UCK2: variants seen among roughly 807,000 people sequenced by gnomAD.
UCK2 encodes cytidine monophosphokinase 2.
A neutral mutation model predicts 30.8 loss-of-function variants in UCK2; 6 were observed. The ratio of observed to expected loss-of-function variants is 0.19; its 90% CI spans 0.11 to 0.38. The LOEUF (loss-of-function observed/expected upper bound fraction) is 0.38, where lower values mean the gene tolerates loss of function less well. Among genes scored for constraint, UCK2 ranks in the 10% least tolerant of loss-of-function variants. UCK2 has a pLI of 1.00. For missense variants in UCK2, 210 were observed against 339.8 expected (o/e 0.62, Z 3.00); for synonymous variants, 125 against 133.6 (o/e 0.94, Z 0.45).
Position 165,910,740 on chromosome 1 carries a change from A to G in UCK2, c.*2917A>G, listed in dbSNP as rs2101892368. The G allele has an allele frequency of 6.6e-6, 1 of 152,520 alleles. No individual in the cohort carries two copies. Among genetic ancestry groups the G allele is most frequent in the Non-Finnish European group, 1.5e-5 (1 of 68,176 alleles). 9.4% of individuals were successfully genotyped at this position (152,520 alleles called of 1,614,324 possible). On this transcript the variant is annotated 3_prime_UTR_variant, in exon 7 of 7. Transcript: ENST00000367879. ...GGGATGTCTGTGGGACAGGCCAGGG[A>G]AGGAGGGCAGAGACAGGGTCTCCAG... is the stretch of plus-strand genomic sequence containing the variant.
chr1:165,827,864 A>C lies in UCK2; in HGVS notation c.31A>C (p.Asn11His). ...CGGGGACAGCGAGCAGACCCTGCAG[A>C]ACCACCAGCAGCCCAACGGCGGCGA... Reference protein sequence around the residue: MAGDSEQTLQNHQQPNGGEPF... With the variant: MAGDSEQTLQHHQQPNGGEPF... The change falls in exon 1 of 7, where the codon AAC becomes CAC. Residue 11 changes from asparagine to histidine, a missense_variant. Asn to His is a moderately conservative substitution (Grantham distance 68). Coordinates refer to ENST00000367879, the MANE Select transcript of UCK2 (RefSeq NM_012474.5). 2 of 1,479,456 alleles carry C rather than the reference A, an allele frequency of 1.4e-6. No individual in the cohort carries two copies. Among genetic ancestry groups the C allele is most frequent in the Non-Finnish European group, 1.8e-6 (2 of 1,108,716 alleles). The allele number at this position is 1,479,456 out of a possible 1,614,324, so 91.6% of individuals were successfully genotyped here.
intron 1 of UCK2, among the ~76,000 whole-genome samples, chr1:165,852,494 G>T (rs1326640688): frequency 3.3e-5 from 5 of 152,126 alleles, no homozygotes; most frequent in Admixed American, 3.3e-4. Context: ...TCAGAGAAAC[G>T]CAAATCAAAA....
intron 4 of UCK2, among the ~76,000 whole-genome samples, chr1:165,897,377 T>C (rs1362494633): frequency 6.6e-6 from 1 of 152,100 alleles, no homozygotes; most frequent in Non-Finnish European, 1.5e-5. Flanking sequence ...GAGGCAGGGC[T>C]GTGGTCCTTA....
Position 165,890,356 on chromosome 1 carries a change from C to T in UCK2, c.252C>T (p.Asp84=), listed in dbSNP as rs766932936. The T allele has an allele frequency of 3.1e-6, 5 of 1,613,690 alleles. No homozygotes were observed. The highest frequency in any genetic ancestry group is 1.7e-5 in the Admixed American group (1 of 59,964). The change falls in exon 2 of 7, where the codon GAC becomes GAT. Residue 84 remains aspartate (D), a synonymous_variant. Transcript: ENST00000367879. ...CCCTGAAGGGCCAGTTCAACTTTGA[C>T]CACCCGGGTGAGTCGGGCATTGAAG... ...AKALKGQFNF[D]HPDAFDNELI... is the part of the protein sequence containing the mutation.
intron 1 of UCK2, among the ~76,000 whole-genome samples, chr1:165,830,744 A>G (rs1330071592): frequency 6.6e-6 from 1 of 152,192 alleles, no homozygotes; most frequent in Non-Finnish European, 1.5e-5. Context: ...GTTATTAAAA[A>G]AGTCCAAGAC....
chr1:165,901,947 C>CAA (rs35032034), intron 4 of UCK2, among the ~76,000 whole-genome samples: 6,683 of 109,024 alleles, frequency 0.061, 580 homozygotes, highest in African/African-American at 0.17. Flanking sequence ...CCGTGTCTAC[C>CAA]AAAAAAAAAA....
rs539561554 is a variant in UCK2 at position 165,839,141 on chromosome 1, TTTTG to T, written c.99+11213_99+11216del. 8.5e-5 allele frequency among the ~76,000 whole-genome samples: 13 copies of T among 152,338 alleles called. No homozygotes were observed. In the East Asian group the frequency reaches 2.5e-3, roughly 29 times the overall value. ...CAAGCTCTTAAAGAACTGTCACCTA[TTTTG>T]TTTAACTCAATGCTTTTTTTTTGAT... On this transcript the variant is annotated intron_variant, in intron 1 of 6. Coordinates refer to ENST00000367879, the MANE Select transcript of UCK2 (RefSeq NM_012474.5).
chr1:165,838,082 T>G (rs1383059519), intron 1 of UCK2, among the ~76,000 whole-genome samples: 1 of 152,232 alleles, frequency 6.6e-6, no homozygotes, highest in Non-Finnish European at 1.5e-5. Flanking sequence ...ATCCATTCCC[T>G]TAGGAAATCC....
chr1:165,903,668 C>T (rs10918308), intron 5 of UCK2, among the ~76,000 whole-genome samples: 6 of 152,126 alleles, frequency 3.9e-5, no homozygotes, highest in African/African-American at 1.4e-4. Context: ...TATGGATGCA[C>T]TGGGTGCTGT....
chr1:165,840,864 A>G (rs953787047), intron 1 of UCK2, among the ~76,000 whole-genome samples: 1 of 152,162 alleles, frequency 6.6e-6, no homozygotes, highest in African/African-American at 2.4e-5. Context: ...AAAACCTTTT[A>G]ATTACTAATA....
At chr1:165,881,336 A>C (rs1260820781) in intron 1 of UCK2, among the ~76,000 whole-genome samples, 1 of 151,956 alleles carries the variant, frequency 6.6e-6, no homozygotes, top group Non-Finnish European at 1.5e-5. Flanking sequence ...CCCTGTCCTC[A>C]TATGTACTTA....
At chr1:165,837,103 C>T (rs759093024) in intron 1 of UCK2, among the ~76,000 whole-genome samples, 2 of 152,172 alleles carry the variant, frequency 1.3e-5, no homozygotes, top group Non-Finnish European at 2.9e-5. Context: ...GGTGGTGCCT[C>T]CAAGATGCAA....
At chr1:165,832,303 C>T (rs1205944886) in intron 1 of UCK2, among the ~76,000 whole-genome samples, 2 of 152,202 alleles carry the variant, frequency 1.3e-5, no homozygotes, top group Non-Finnish European at 2.9e-5. Context: ...TTGTTGACTG[C>T]TTCTTCCCGT....
At chr1:165,905,809 C>A in intron 5 of UCK2, 112 bp from the exon 6 acceptor site, 1 of 906,518 alleles carries the variant, frequency 1.1e-6, no homozygotes, top group Non-Finnish European at 1.8e-6. Flanking sequence ...AAAAGGTGCT[C>A]TTCTGGGCTC....
chr1:165,883,701 C>G (rs1433706126), intron 1 of UCK2, among the ~76,000 whole-genome samples: 2 of 152,174 alleles, frequency 1.3e-5, no homozygotes, highest in African/African-American at 2.4e-5. Flanking sequence ...TGGGGCCATG[C>G]ATGACTTCAA....
chr1:165,890,338 G>A lies in UCK2; in HGVS notation c.234G>A (p.Lys78=). ...CGGAGCAGAAGGCCAAAGCCCTGAA[G>A]GGCCAGTTCAACTTTGACCACCCGG... ...LTSEQKAKAL[K]GQFNFDHPDA... is the part of the protein sequence containing the mutation. Residue 78 remains lysine, a synonymous_variant, in exon 2 of 7, where the codon AAG becomes AAA. Coordinates refer to ENST00000367879, the MANE Select transcript of UCK2 (RefSeq NM_012474.5). 1 of 1,614,026 alleles carries A rather than the reference G, an allele frequency of 6.2e-7. No individual in the cohort carries two copies. The highest frequency in any genetic ancestry group is 8.5e-7 in the Non-Finnish European group (1 of 1,180,010).
intron 1 of UCK2, among the ~76,000 whole-genome samples, chr1:165,832,516 G>T (rs181080376): frequency 6.6e-6 from 1 of 152,174 alleles, no homozygotes; most frequent in Admixed American, 6.5e-5. Context: ...TTGAAGTCAG[G>T]CATGTGTCTT....
chr1:165,840,368 C>G (rs1233287626), intron 1 of UCK2, among the ~76,000 whole-genome samples: 11 of 152,194 alleles, frequency 7.2e-5, no homozygotes, highest in African/African-American at 2.4e-4. Flanking sequence ...TGTTACCTCA[C>G]TTAGTCATTT....
At position 165,869,713 on chromosome 1, in the gene UCK2, C is replaced by T. The variant is rs184590740; in HGVS notation, c.100-20491C>T. Among the ~76,000 whole-genome samples the T allele has an allele frequency of 2.4e-3, 318 of 134,432 alleles. 1 individual carries two copies. The highest frequency in any genetic ancestry group is 8.3e-3 in the African/African-American group (300 of 35,958). 88.2% of individuals were successfully genotyped at this position (134,432 alleles called of 152,430 possible). ...GATGGGGGTCTTGCTCTGTCACTCACGCTGGAGTGCAGTGTGTCGTGATCA... is the reference window on the plus strand; with the variant it reads ...GATGGGGGTCTTGCTCTGTCACTCATGCTGGAGTGCAGTGTGTCGTGATCA... On this transcript the variant is annotated intron_variant, in intron 1 of 6. Transcript: ENST00000367879.
Sources: gnomAD v4.1 joint callset for allele counts (sites outside exome capture counted in the v4.1 genomes callset) on GRCh38, gnomAD v4.1.1 for gene constraint, MANE v1.5 for transcripts, NCBI Gene and HGNC (gene_info 2026-07-23, HGNC 2026-07-21) for gene names.